The following ZFC3H1 variants were observed in gnomAD, a reference collection of about 807,000 sequenced individuals.
ZFC3H1 encodes zinc finger C3H1-type containing, also known as zinc finger C3H1 domain-containing protein.
A neutral mutation model predicts 243.7 loss-of-function variants in ZFC3H1; 71 were observed. The observed-to-expected ratio is 0.29, with a 90% CI of 0.24 to 0.36. ZFC3H1 has a LOEUF of 0.36. Among genes scored for constraint, ZFC3H1 ranks in the 10% least tolerant of loss-of-function variants. The probability of loss-of-function intolerance (pLI) is 1.00; values close to 1 mark genes in which losing one functional copy is unlikely to be tolerated. For synonymous variants in ZFC3H1, 838 were observed against 813.0 expected, an observed-to-expected ratio of 1.03 and a Z score of -0.52; for missense variants, 1,966 against 2,317.1, an observed-to-expected ratio of 0.85 and a Z score of 3.11.
rs1879727658 is a variant in ZFC3H1 at position 71,609,966 on chromosome 12, C to T, written c.*462G>A. On this transcript the variant is annotated 3_prime_UTR_variant, in exon 35 of 35. Coordinates refer to ENST00000378743, the MANE Select transcript of ZFC3H1 (RefSeq NM_144982.5). Reference sequence around the variant, plus strand: ...TTTTAAATCCTGAAATGAAGAATCTCAAAAAAATTTAAAAAGGAAAAACTA... The same window carrying T: ...TTTTAAATCCTGAAATGAAGAATCTTAAAAAAATTTAAAAAGGAAAAACTA... 1 of 152,444 alleles carries T rather than the reference C, an allele frequency of 6.6e-6. No homozygotes were observed. Among genetic ancestry groups the T allele is most frequent in the African/African-American group, 2.4e-5 (1 of 41,332 alleles). The allele number at this position is 152,444 out of a possible 1,614,324, so 9.4% of individuals were successfully genotyped here. A position where few individuals can be genotyped will look rare whatever the true frequency, so the allele number is the denominator to read the frequency against.
At chr12:71,660,230 C>A (rs1180125327) in intron 1 of ZFC3H1, 1 of 152,128 alleles carries the variant, frequency 6.6e-6, no homozygotes, top group Non-Finnish European at 1.5e-5. Context: ...AAACTGAGTA[C>A]AACCTTGATA....
chr12:71,630,461 A>G lies in ZFC3H1; in HGVS notation c.3724+139T>C, dbSNP rs540311727. 137 of 1,200,222 alleles carry G rather than the reference A, an allele frequency of 1.1e-4. 3 individuals carry two copies. The South Asian group carries it at 2.3e-3, about 20-fold the overall frequency. The allele number at this position is 1,200,222 out of a possible 1,614,324, so 74.3% of individuals were successfully genotyped here. A position where few individuals can be genotyped will look rare whatever the true frequency, so the allele number is the denominator to read the frequency against. ...AATTTTTACCGTAATTATACTGGAT[A>G]CAGCAAATCTAGATAAAGTATTATG... On this transcript the variant is annotated intron_variant, in intron 18 of 34. Transcript: ENST00000378743.
rs1480322879 is a variant in ZFC3H1 at position 71,610,268 on chromosome 12, C to T, written c.*160G>A. The T allele has an allele frequency of 3.6e-6, 3 of 833,582 alleles. No homozygotes were observed. The highest frequency in any genetic ancestry group is 5.4e-6 in the Non-Finnish European group (3 of 551,378). 51.6% of individuals were successfully genotyped at this position (833,582 alleles called of 1,614,324 possible). A position where few individuals can be genotyped will look rare whatever the true frequency, so the allele number is the denominator to read the frequency against. ...CAACCGAAGAGGATCATGTTCATTG[C>T]TTCCGGTTTTGAGGACAGGATATTG... On this transcript the variant is annotated 3_prime_UTR_variant, in exon 35 of 35. Transcript: ENST00000378743.
Position 71,657,290 on chromosome 12 carries a change from C to T in ZFC3H1, c.610G>A (p.Gly204Arg). The T allele has an allele frequency of 6.5e-7, 1 of 1,537,906 alleles. No individual in the cohort carries two copies. The highest frequency in any genetic ancestry group is 8.7e-7 in the Non-Finnish European group (1 of 1,148,054). ...TTTTGTTTTCTTGATGGAGACCTTC[C>T]AAAACTTTTGGCTGAACAGCATATT... ...SPPRKSSKSF[G>R]RSPSRKQNYS... is the part of the protein sequence containing the mutation. The change falls in exon 2 of 35, where the codon GGA becomes AGA. Residue 204 changes from glycine to arginine, a missense_variant. Physicochemically the swap from Gly to Arg is moderately radical, Grantham distance 125. Transcript: ENST00000378743.
chr12:71,633,266 G>A lies in ZFC3H1; in HGVS notation c.2683C>T (p.Gln895Ter). Residue 895 changes from glutamine (Q) to a stop codon, truncating the protein, a stop_gained and splice_region_variant, in exon 13 of 35, where the codon CAA becomes TAA. Transcript: ENST00000378743. LOFTEE classifies it high-confidence loss of function. ...CTACAGTATTTTAAAATAATTACTT[G>A]TTCCTGAAGCTTCTTCAAAAACATT... ...NRMFLKKLQEQIHRVQQRVTI... is the reference protein window; with the variant it reads ...NRMFLKKLQE The A allele has an allele frequency of 6.4e-7, 1 of 1,573,478 alleles. No individual in the cohort carries two copies. Among genetic ancestry groups the A allele is most frequent in the South Asian group, 1.2e-5 (1 of 83,674 alleles).
intron 10 of ZFC3H1, 67 bp downstream of exon 10, chr12:71,635,376 G>T (rs1880433646): frequency 6.6e-7 from 1 of 1,510,802 alleles, no homozygotes; most frequent in Non-Finnish European, 8.8e-7. Flanking sequence ...TTAATTTTCA[G>T]GAAAAAATAA....
At chr12:71,653,609 A>G (rs1372596509) in intron 2 of ZFC3H1, among the ~76,000 whole-genome samples, 2 of 152,250 alleles carry the variant, frequency 1.3e-5, no homozygotes, top group Non-Finnish European at 2.9e-5. Flanking sequence ...CAAAGACAAA[A>G]AGGATCTTTA....
chr12:71,641,104 A>G (rs554927242), intron 6 of ZFC3H1, among the ~76,000 whole-genome samples: 6 of 152,312 alleles, frequency 3.9e-5, no homozygotes, highest in East Asian at 1.9e-4. Flanking sequence ...TATGTTCTCT[A>G]TATGTTTCAC....
chr12:71,649,289 A>AT (rs1880816402), intron 2 of ZFC3H1, among the ~76,000 whole-genome samples: 1 of 152,192 alleles, frequency 6.6e-6, no homozygotes, highest in Non-Finnish European at 1.5e-5. Flanking sequence ...TGCGTGTGTT[A>AT]TAAGCCACAG....
chr12:71,649,643 G>GA (rs1197279118), intron 2 of ZFC3H1, among the ~76,000 whole-genome samples: 1 of 151,876 alleles, frequency 6.6e-6, no homozygotes, highest in African/African-American at 2.4e-5. Context: ...TCCCACTGTA[G>GA]AAAAAATGAT....
At chr12:71,611,001 A>C in intron 33 of ZFC3H1, 57 bp downstream of exon 33, 1 of 1,575,220 alleles carries the variant, frequency 6.3e-7, no homozygotes, top group Non-Finnish European at 8.6e-7. Context: ...AGAAGTCAAC[A>C]AAAGAGACAG....
chr12:71,655,608 C>A (rs1195833169), intron 2 of ZFC3H1, among the ~76,000 whole-genome samples: 3 of 152,070 alleles, frequency 2.0e-5, no homozygotes, highest in Non-Finnish European at 4.4e-5. Flanking sequence ...ATAGAGTTTA[C>A]ATAAACTGTC....
At chr12:71,611,299 C>G (rs1879762218) in intron 32 of ZFC3H1, 3 of 320,378 alleles carry the variant, frequency 9.4e-6, no homozygotes, top group Non-Finnish European at 1.6e-5. Context: ...ATCAACTTTA[C>G]AAGAAAAAAG....
At position 71,620,135 on chromosome 12, in the gene ZFC3H1, A is replaced by G; in HGVS notation, c.4851-11T>C. 6.2e-7 allele frequency: 1 copy of G among 1,605,872 alleles called. No homozygotes were observed. Among genetic ancestry groups the G allele is most frequent in the Non-Finnish European group, 8.5e-7 (1 of 1,177,654 alleles). On this transcript the variant is annotated splice_polypyrimidine_tract_variant and intron_variant, in intron 25 of 34. Coordinates refer to ENST00000378743, the MANE Select transcript of ZFC3H1 (RefSeq NM_144982.5). ...ATTGCAGCCTCATACCTTAACAAAA[A>G]AGAAAAAAAAAGGCTAAAGACATGA...
At chr12:71,629,556 TACACACACAC>T (rs35067681) in intron 19 of ZFC3H1, 43 bp downstream of exon 19, 637 of 691,672 alleles carry the variant, frequency 9.2e-4, no homozygotes, top group South Asian at 3.4e-3. Flanking sequence ...AGAGATACAG[TACACACACAC>T]ACACACACAC....
chr12:71,633,157 G>C (rs1044244517), intron 13 of ZFC3H1, 107 bp downstream of exon 13: 1 of 1,393,910 alleles, frequency 7.2e-7, no homozygotes. Flanking sequence ...GAAACTATAG[G>C]TTATGCATAT....
In ZFC3H1 at chr12:71,627,731, A is replaced by G; in HGVS notation, c.4130+20T>C. ...ATATAAATGTGCAACTGTTTACACA[A>G]AGATTTGAAGTTGACCTACCCCTCA... On this transcript the variant is annotated intron_variant, in intron 21 of 34. Transcript: ENST00000378743. 1 of 1,592,348 alleles carries G rather than the reference A, an allele frequency of 6.3e-7. No individual in the cohort carries two copies.
intron 24 of ZFC3H1, among the ~76,000 whole-genome samples, chr12:71,620,531 C>T (rs1879999984): frequency 6.6e-6 from 1 of 152,176 alleles, no homozygotes; most frequent in Non-Finnish European, 1.5e-5. Flanking sequence ...TTACCCTCAA[C>T]TTTCCTGGTA....
At position 71,663,228 on chromosome 12, in the gene ZFC3H1, C is replaced by G. The variant is rs753299481; in HGVS notation, c.383G>C (p.Ser128Thr). 3.1e-6 allele frequency: 5 copies of G among 1,613,992 alleles called. No homozygotes were observed. Among genetic ancestry groups the G allele is most frequent in the Non-Finnish European group, 4.2e-6 (5 of 1,180,034 alleles). The change falls in exon 1 of 35, where the codon AGT becomes ACT. Residue 128 changes from serine to threonine, a missense_variant. Transcript: ENST00000378743. ...CCGCTCCCAGAAAGACGGCCGGGGA[C>G]TGCTTTCGGACAGTGAGCTCGAAGG... ...RMPSSSLSES[S>T]PRPSFWERSH... is the part of the protein sequence containing the mutation.
Sources: allele counts gnomAD v4.1 joint callset (sites outside exome capture counted in the v4.1 genomes callset), GRCh38; gene constraint gnomAD v4.1.1; transcripts MANE v1.5; gene names NCBI Gene and HGNC (gene_info 2026-07-23, HGNC 2026-07-21).